Variants in MGAT4C observed in about 807,000 individuals in gnomAD.
MGAT4C encodes the protein alpha-1,3-mannosyl-glycoprotein 4-beta-N-acetylglucosaminyltransferase C.
A neutral mutation model predicts 40.1 loss-of-function variants in MGAT4C; 19 were observed. That is an observed-to-expected ratio of 0.47 (90% CI 0.33 to 0.70). The LOEUF is 0.70. Ranked by LOEUF, MGAT4C falls within the 30% of genes least tolerant of loss-of-function variation. MGAT4C has a pLI of 0.02. For synonymous variants in MGAT4C, 181 were observed against 187.1 expected (o/e 0.97, Z 0.27); for missense variants, 491 against 563.2 (o/e 0.87, Z 1.30).
At chr12:86,661,010 A>C (rs2136548122) in intron 2 of MGAT4C, among the ~76,000 whole-genome samples, 1 of 152,276 alleles carries the variant, frequency 6.6e-6, no homozygotes, top group South Asian at 2.1e-4. Context: ...CTAAGGGTGA[A>C]GTTTCTTGGG....
chr12:86,534,830 G>A (rs1034185213), intron 2 of MGAT4C, among the ~76,000 whole-genome samples: 8 of 151,994 alleles, frequency 5.3e-5, no homozygotes, highest in South Asian at 2.1e-4. Context: ...ATGAAGTGTA[G>A]GAGCTCTGGG....
chr12:86,789,735 G>A (rs1380306938), intron 1 of MGAT4C, among the ~76,000 whole-genome samples: 2 of 152,100 alleles, frequency 1.3e-5, no homozygotes, highest in Non-Finnish European at 2.9e-5. Flanking sequence ...GTGCATAGTA[G>A]TAATAAAGAT....
intron 4 of MGAT4C, among the ~76,000 whole-genome samples, chr12:86,280,033 T>G (rs1349139072): frequency 6.6e-6 from 1 of 152,138 alleles, no homozygotes; most frequent in South Asian, 2.1e-4. Flanking sequence ...TAAGACTTAC[T>G]TTGTGATGTA....
chr12:86,055,407 A>G (rs1893286583), intron 1 of MGAT4C, among the ~76,000 whole-genome samples: 1 of 152,078 alleles, frequency 6.6e-6, no homozygotes, highest in Non-Finnish European at 1.5e-5. Flanking sequence ...GAAATTGTAC[A>G]TTAGACAAAA....
At chr12:86,409,860 G>T in intron 3 of MGAT4C, among the ~76,000 whole-genome samples, 1 of 152,068 alleles carries the variant, frequency 6.6e-6, no homozygotes, top group East Asian at 1.9e-4. Context: ...TTCCCTAAGT[G>T]TTGGCCGATC....
At chr12:86,382,669 G>A (rs1955961990) in intron 3 of MGAT4C, among the ~76,000 whole-genome samples, 1 of 152,176 alleles carries the variant, frequency 6.6e-6, no homozygotes, top group Non-Finnish European at 1.5e-5. Flanking sequence ...CCGGGCCCAG[G>A]GTCCCCGTGC....
chr12:86,027,364 A>C (rs1274287427), intron 2 of MGAT4C, among the ~76,000 whole-genome samples: 3 of 151,832 alleles, frequency 2.0e-5, no homozygotes, highest in African/African-American at 7.2e-5. Flanking sequence ...TTTTAAAGTA[A>C]TTTTGTTACA....
At chr12:86,139,067 C>T (rs892211569) in intron 1 of MGAT4C, among the ~76,000 whole-genome samples, 5 of 151,930 alleles carry the variant, frequency 3.3e-5, no homozygotes, top group African/African-American at 1.2e-4. Context: ...TTTGCCTCAC[C>T]CTAGAGTAAT....
At position 86,248,174 on chromosome 12, in the gene MGAT4C, CAAAG is replaced by C. The variant is rs541799532; in HGVS notation, c.-57+8061_-57+8064del. On this transcript the variant is annotated intron_variant, in intron 1 of 4. Transcript: ENST00000611864. ...TCAAGCATAGCATGTCTAAAGTACACAAAGAAAGAACCTAGTTTCTCTTCCTTCC... is the reference window on the plus strand; with the variant it reads ...TCAAGCATAGCATGTCTAAAGTACACAAAGAACCTAGTTTCTCTTCCTTCC... 6.4e-3 allele frequency among the ~76,000 whole-genome samples: 968 copies of C among 151,802 alleles called. 7 individuals are homozygous for C. The highest frequency in any genetic ancestry group is 9.5e-3 in the Non-Finnish European group (647 of 67,970).
At chr12:86,059,347 A>G (rs1011235778) in intron 1 of MGAT4C, among the ~76,000 whole-genome samples, 4 of 152,120 alleles carry the variant, frequency 2.6e-5, no homozygotes, top group Non-Finnish European at 5.9e-5. Context: ...CAGCCTTAAC[A>G]TGTCTTCTTA....
intron 3 of MGAT4C, among the ~76,000 whole-genome samples, chr12:86,371,780 G>A (rs1341555548): frequency 6.6e-6 from 1 of 151,794 alleles, no homozygotes; most frequent in Non-Finnish European, 1.5e-5. Context: ...CAAATTCCTG[G>A]TTCAGTTCTT....
intron 3 of MGAT4C, among the ~76,000 whole-genome samples, chr12:86,395,489 C>G (rs180853625): frequency 3.0e-4 from 46 of 152,188 alleles, no homozygotes; most frequent in Non-Finnish European, 6.5e-4. Flanking sequence ...TGTGTATCAT[C>G]CAACAAGTAA....
chr12:86,618,806 A>T (rs776322262), intron 2 of MGAT4C, among the ~76,000 whole-genome samples: 9 of 152,152 alleles, frequency 5.9e-5, no homozygotes, highest in African/African-American at 2.2e-4. Flanking sequence ...ATATTTGAAG[A>T]CAGCTAAAAG....
At chr12:86,508,880 T>A (rs1273034786) in intron 2 of MGAT4C, among the ~76,000 whole-genome samples, 6 of 150,512 alleles carry the variant, frequency 4.0e-5, no homozygotes, top group East Asian at 2.0e-4. Context: ...TCTGTTCATG[T>A]CCTTCGCCCA....
upstream of MGAT4C, among the ~76,000 whole-genome samples, chr12:86,260,153 T>C (rs193088356): frequency 2.6e-3 from 401 of 152,250 alleles, 4 homozygotes; most frequent in Non-Finnish European, 4.2e-3. Context: ...TTATATCAAA[T>C]ACTTATTAAT....
In MGAT4C at chr12:85,980,837, T is replaced by A. The variant is rs768286859; in HGVS notation, c.296-407A>T. ...AAAGTAAAAAAAATGCTTTTTCTCT[T>A]TTGCAAAAAGAGAAGGGCATTCACA... On this transcript the variant is annotated intron_variant, in intron 4 of 4. Transcript: ENST00000611864. Among the ~76,000 whole-genome samples, 75 of 152,052 alleles carry A rather than the reference T, an allele frequency of 4.9e-4. 1 individual carries two copies. The highest frequency in any genetic ancestry group is 1.3e-4 in the Admixed American group (2 of 15,270).
At chr12:86,661,197 A>G (rs1386005744) in intron 2 of MGAT4C, among the ~76,000 whole-genome samples, 2 of 152,168 alleles carry the variant, frequency 1.3e-5, no homozygotes, top group Non-Finnish European at 2.9e-5. Context: ...TAAAGAAAAC[A>G]AAAAGAAAGG....
chr12:86,552,419 T>TTA (rs1406453465), intron 2 of MGAT4C, among the ~76,000 whole-genome samples: 1 of 152,030 alleles, frequency 6.6e-6, no homozygotes, highest in African/African-American at 2.4e-5. Flanking sequence ...GAATATAAAA[T>TTA]TATAGCTACA....
intron 1 of MGAT4C, among the ~76,000 whole-genome samples, chr12:86,171,090 G>A (rs1263832354): frequency 6.6e-6 from 1 of 151,928 alleles, no homozygotes; most frequent in Non-Finnish European, 1.5e-5. Context: ...ACTATCTTAT[G>A]GCTGGGCGCG....
Sources: allele counts gnomAD v4.1 joint callset (sites outside exome capture counted in the v4.1 genomes callset), GRCh38; gene constraint gnomAD v4.1.1; transcripts MANE v1.5; gene names NCBI Gene and HGNC (gene_info 2026-07-23, HGNC 2026-07-21).